MBOAT2: variants seen among roughly 807,000 people sequenced by gnomAD.
MBOAT2 encodes membrane-bound glycerophospholipid O-acyltransferase 2.
A neutral mutation model predicts 63.4 loss-of-function variants in MBOAT2; 28 were observed. The ratio of observed to expected loss-of-function variants is 0.44; its 90% confidence interval spans 0.33 to 0.61. The LOEUF (loss-of-function observed/expected upper bound fraction) is 0.61. Among genes scored for constraint, MBOAT2 ranks in the 20% least tolerant of loss-of-function variants. MBOAT2 has a pLI of 0.03. For synonymous variants in MBOAT2, 211 were observed against 215.6 expected (o/e 0.98, Z 0.19); for missense variants, 470 against 605.8 (o/e 0.78, Z 2.35).
chr2:8,968,610 C>T (rs1670192213), intron 1 of MBOAT2, among the ~76,000 whole-genome samples: 1 of 152,216 alleles, frequency 6.6e-6, no homozygotes, highest in Non-Finnish European at 1.5e-5. Flanking sequence ...GAACCCATCA[C>T]AAAGAAGCTA....
chr2:8,934,988 G>A (rs1232667402), intron 3 of MBOAT2, among the ~76,000 whole-genome samples: 5 of 152,062 alleles, frequency 3.3e-5, no homozygotes, highest in Admixed American at 3.3e-4. Flanking sequence ...TGTGAGTACC[G>A]GCAGATGACA....
chr2:8,988,409 A>G (rs1242232301), intron 1 of MBOAT2, among the ~76,000 whole-genome samples: 1 of 152,238 alleles, frequency 6.6e-6, no homozygotes, highest in Non-Finnish European at 1.5e-5. Flanking sequence ...GGGTGTAAAG[A>G]ATAAATGACT....
chr2:8,918,874 G>A (rs1666374816), intron 3 of MBOAT2, among the ~76,000 whole-genome samples: 2 of 152,128 alleles, frequency 1.3e-5, no homozygotes, highest in African/African-American at 2.4e-5. Context: ...CTGCAAGACC[G>A]CTGCCCCAAG....
At chr2:8,960,942 G>A (rs773018418) in intron 1 of MBOAT2, among the ~76,000 whole-genome samples, 12 of 152,222 alleles carry the variant, frequency 7.9e-5, no homozygotes, top group Non-Finnish European at 1.5e-4. Context: ...AAGCGCAAAC[G>A]CACCGCGTGG....
chr2:8,926,099 C>G (rs1666911583), intron 3 of MBOAT2, among the ~76,000 whole-genome samples: 1 of 152,038 alleles, frequency 6.6e-6, no homozygotes, highest in East Asian at 1.9e-4. Context: ...CAACAGGTTT[C>G]TTTTGTTCTT....
chr2:8,879,075 CAAAA>C (rs58971939), intron 6 of MBOAT2, among the ~76,000 whole-genome samples: 2 of 58,966 alleles, frequency 3.4e-5, no homozygotes, highest in African/African-American at 6.1e-5. Context: ...GACTCCGTCT[CAAAA>C]AAAAAAAAAA....
chr2:8,999,376 G>A (rs1672529611), intron 1 of MBOAT2, among the ~76,000 whole-genome samples: 1 of 152,190 alleles, frequency 6.6e-6, no homozygotes, highest in African/African-American at 2.4e-5. Context: ...AGAGATGGGA[G>A]GGAGGGAGGA....
intron 1 of MBOAT2, among the ~76,000 whole-genome samples, chr2:8,976,486 A>G (rs1002124345): frequency 1.3e-5 from 2 of 152,148 alleles, no homozygotes; most frequent in African/African-American, 2.4e-5. Flanking sequence ...CAGATAAAAA[A>G]TAAGTAAGGC....
chr2:8,919,375 T>A (rs555891809), intron 3 of MBOAT2, among the ~76,000 whole-genome samples: 1 of 152,240 alleles, frequency 6.6e-6, no homozygotes, highest in African/African-American at 2.4e-5. Flanking sequence ...ATATCCTCAC[T>A]AATGCTGGGT....
At chr2:8,938,537 C>T (rs887728613) in intron 3 of MBOAT2, among the ~76,000 whole-genome samples, 20 of 151,170 alleles carry the variant, frequency 1.3e-4, no homozygotes, top group African/African-American at 3.9e-4. Context: ...CATGCCGCCA[C>T]GTTTCATGCC....
At chr2:8,900,059 G>A (rs1446538031) in intron 4 of MBOAT2, among the ~76,000 whole-genome samples, 1 of 152,144 alleles carries the variant, frequency 6.6e-6, no homozygotes, top group Non-Finnish European at 1.5e-5. Context: ...TTCAAGGAAG[G>A]CAGAAGGATT....
chr2:8,868,532 C>T lies in MBOAT2; in HGVS notation c.901G>A (p.Ala301Thr). ...AWTLADAINN[A>T]AGFGFRGYDE... ...TACCCTCTGAAACCAAAGCCTGCAG[C>T]ATTATTAATGGCATCAGCTATAGAA... The change falls in exon 9 of 13, where the codon GCT becomes ACT. Residue 301 changes from alanine (A) to threonine (T), a missense_variant. Physicochemically the swap from Ala to Thr is moderately conservative, Grantham distance 58. Coordinates refer to ENST00000305997, the MANE Select transcript of MBOAT2 (RefSeq NM_138799.4). The T allele has an allele frequency of 6.2e-7, 1 of 1,613,582 alleles. No homozygotes were observed. Among genetic ancestry groups the T allele is most frequent in the Non-Finnish European group, 8.5e-7 (1 of 1,179,736 alleles).
intron 4 of MBOAT2, among the ~76,000 whole-genome samples, chr2:8,902,274 A>C (rs1665001010): frequency 6.6e-6 from 1 of 152,236 alleles, no homozygotes; most frequent in Admixed American, 6.5e-5. Flanking sequence ...AAAATAGGAC[A>C]AAATAGCAAA....
At chr2:8,982,421 T>A (rs1671258986) in intron 1 of MBOAT2, among the ~76,000 whole-genome samples, 1 of 152,146 alleles carries the variant, frequency 6.6e-6, no homozygotes, top group South Asian at 2.1e-4. Context: ...AAAAATCAAT[T>A]CTAGTTCTTC....
chr2:8,922,303 T>C (rs1205698293), intron 3 of MBOAT2, among the ~76,000 whole-genome samples: 1 of 152,226 alleles, frequency 6.6e-6, no homozygotes, highest in African/African-American at 2.4e-5. Flanking sequence ...GTATTTATAA[T>C]AGTTGTTTTG....
At chr2:8,965,574 T>C (rs992980667) in intron 1 of MBOAT2, among the ~76,000 whole-genome samples, 28 of 152,226 alleles carry the variant, frequency 1.8e-4, no homozygotes, top group Admixed American at 6.5e-5. Flanking sequence ...CAAATTTACA[T>C]TCTGTCTCCA....
At chr2:8,988,005 T>C (rs917038026) in intron 1 of MBOAT2, among the ~76,000 whole-genome samples, 1 of 152,208 alleles carries the variant, frequency 6.6e-6, no homozygotes, top group Non-Finnish European at 1.5e-5. Context: ...AACACATTAC[T>C]GAAAACACAA....
chr2:8,893,040 T>C (rs1312497443), intron 4 of MBOAT2, among the ~76,000 whole-genome samples: 1 of 126,760 alleles, frequency 7.9e-6, no homozygotes, highest in Non-Finnish European at 1.7e-5. Context: ...GAAAAAAGAC[T>C]GTGGGGGCAC....
intron 1 of MBOAT2, among the ~76,000 whole-genome samples, chr2:8,972,399 G>T (rs1002032629): frequency 4.0e-5 from 6 of 151,180 alleles, no homozygotes; most frequent in African/African-American, 1.5e-4. Flanking sequence ...ATGTTAGACC[G>T]AAAACCATAA....
Sources: allele counts gnomAD v4.1 joint callset (sites outside exome capture counted in the v4.1 genomes callset), GRCh38; gene constraint gnomAD v4.1.1; transcripts MANE v1.5; gene names NCBI Gene and HGNC (gene_info 2026-07-23, HGNC 2026-07-21).